The following ATP2B4 variants were observed in gnomAD, a reference collection of about 807,000 sequenced individuals.
The protein encoded by ATP2B4 is plasma membrane calcium-transporting ATPase 4.
Under a neutral mutation model 110.3 loss-of-function variants are expected in ATP2B4, and 39 were observed. That is an observed-to-expected ratio of 0.35 (90% CI 0.27 to 0.46). The LOEUF (loss-of-function observed/expected upper bound fraction) is 0.46. Ranked by LOEUF, ATP2B4 falls within the 20% of genes least tolerant of loss-of-function variation. The pLI, the probability that ATP2B4 is intolerant of heterozygous loss-of-function variation, is 1.00. For missense variants in ATP2B4, 1,135 were observed against 1,530.9 expected (o/e 0.74, Z 4.32); for synonymous variants, 538 against 571.7 (o/e 0.94, Z 0.84).
rs1265703317 is a variant in ATP2B4 at position 203,740,662 on chromosome 1, G to A, written c.*808G>A. ...CCTTCTGCTTTTAAATTGCCATCTTGTAAAGTGTATGTGGTTCTTAAGTGC... is the reference window on the plus strand; with the variant it reads ...CCTTCTGCTTTTAAATTGCCATCTTATAAAGTGTATGTGGTTCTTAAGTGC... On this transcript the variant is annotated 3_prime_UTR_variant, in exon 21 of 21. Coordinates refer to ENST00000357681, the MANE Select transcript of ATP2B4 (RefSeq NM_001684.5). 2.0e-5 allele frequency: 3 copies of A among 152,220 alleles called. No individual in the cohort carries two copies. Among genetic ancestry groups the A allele is most frequent in the Non-Finnish European group, 2.9e-5 (2 of 68,028 alleles). 9.4% of individuals were successfully genotyped at this position (152,220 alleles called of 1,614,324 possible). A position where few individuals can be genotyped will look rare whatever the true frequency, so the allele number is the denominator to read the frequency against.
intron 16 of ATP2B4, 81 bp from the exon 17 acceptor site, chr1:203,721,116 C>T (rs575756666): frequency 6.6e-5 from 94 of 1,432,620 alleles, no homozygotes; most frequent in East Asian, 4.6e-4. Flanking sequence ...CTAGGTGGGT[C>T]GTGGGAGCTG....
intron 1 of ATP2B4, among the ~76,000 whole-genome samples, chr1:203,644,130 G>C (rs931509917): frequency 2.6e-5 from 4 of 151,786 alleles, no homozygotes; most frequent in Non-Finnish European, 5.9e-5. Flanking sequence ...AGTGCCTATA[G>C]TCTCAGCTAC....
chr1:203,689,642 C>T (rs991952623), intron 2 of ATP2B4, among the ~76,000 whole-genome samples: 1 of 152,200 alleles, frequency 6.6e-6, no homozygotes, highest in African/African-American at 2.4e-5. Context: ...TGAGGGCCTC[C>T]AATTCTTTTT....
At chr1:203,693,705 C>T (rs1665450638) in intron 2 of ATP2B4, among the ~76,000 whole-genome samples, 1 of 152,274 alleles carries the variant, frequency 6.6e-6, no homozygotes, top group African/African-American at 2.4e-5. Context: ...ACTAATCCAC[C>T]CCAATTGTAG....
intron 1 of ATP2B4, among the ~76,000 whole-genome samples, chr1:203,659,542 C>T (rs1445545582): frequency 1.3e-5 from 2 of 151,746 alleles, no homozygotes; most frequent in African/African-American, 4.8e-5. Context: ...TGGTGGCACA[C>T]CCCTGTAGTC....
intron 1 of ATP2B4, among the ~76,000 whole-genome samples, chr1:203,675,735 C>G (rs948266123): frequency 7.9e-5 from 12 of 152,038 alleles, no homozygotes; most frequent in African/African-American, 2.9e-4. Flanking sequence ...CCGTGGATAC[C>G]ACCTCCTAAC....
intron 2 of ATP2B4, among the ~76,000 whole-genome samples, chr1:203,683,666 C>CTTTTTTTTTTTTTTTTTTTTTTTTTTTTT (rs11326748): frequency 1.2e-4 from 9 of 77,698 alleles, no homozygotes; most frequent in Admixed American, 3.9e-4. Context: ...TCTTTTGTTT[C>CTTTTTTTTTTTTTTTTTTTTTTTTTTTTT]TTTTTTTTTT....
At chr1:203,652,398 G>C (rs1409202913) in intron 1 of ATP2B4, among the ~76,000 whole-genome samples, 1 of 151,952 alleles carries the variant, frequency 6.6e-6, no homozygotes, top group African/African-American at 2.4e-5. Context: ...CTCCCACCTC[G>C]GCCTCCCAAA....
intron 20 of ATP2B4, among the ~76,000 whole-genome samples, chr1:203,736,262 C>T (rs1356147644): frequency 1.3e-5 from 2 of 152,008 alleles, no homozygotes; most frequent in Non-Finnish European, 2.9e-5. Context: ...GTCAGGAGTT[C>T]GAGACCAGCC....
rs1665744129 is a variant in ATP2B4 at position 203,703,164 on chromosome 1, CG to C, written c.938-487del. 1.9e-3 allele frequency among the ~76,000 whole-genome samples: 280 copies of C among 145,250 alleles called. 6 individuals carry two copies. In the East Asian group the frequency reaches 0.032, roughly 17 times the overall value. On this transcript the variant is annotated intron_variant, in intron 7 of 20. Transcript: ENST00000357681. ...GGGTATGTGTTTCTTCCCTGACAAT[CG>C]AGAGAGAGAGAGAGAGAGAGAGAGA...
At chr1:203,651,402 C>T (rs1663989555) in intron 1 of ATP2B4, among the ~76,000 whole-genome samples, 1 of 152,072 alleles carries the variant, frequency 6.6e-6, no homozygotes, top group African/African-American at 2.4e-5. Flanking sequence ...ACCTAATGAA[C>T]ACACTTGAAC....
intron 14 of ATP2B4, 45 bp from the exon 15 acceptor site, chr1:203,714,126 G>C: frequency 6.4e-7 from 1 of 1,559,690 alleles, no homozygotes; most frequent in Non-Finnish European, 8.8e-7. Context: ...ACTGAAGGGT[G>C]GGGGAGACCA....
At chr1:203,681,996 C>T (rs551838044) in intron 1 of ATP2B4, among the ~76,000 whole-genome samples, 36 of 140,700 alleles carry the variant, frequency 2.6e-4, no homozygotes, top group African/African-American at 9.3e-4. Context: ...TCCTCTTCTC[C>T]CCAAAAGCCT....
In ATP2B4 at chr1:203,722,623, C is replaced by T. The variant is rs61731220; in HGVS notation, c.2958C>T (p.Asn986=). Residue 986 remains asparagine (N), a synonymous_variant, in exon 18 of 21, where the codon AAC becomes AAT. Coordinates refer to ENST00000357681, the MANE Select transcript of ATP2B4 (RefSeq NM_001684.5). The part of the protein sequence containing the change: ...INSRKIHGEK[N]VFSGIYRNII... ...CCCGAAAGATCCATGGAGAGAAGAA[C>T]GTCTTTTCAGGCATCTACCGCAACA... 207 of 1,614,066 alleles carry T rather than the reference C, an allele frequency of 1.3e-4. No individual in the cohort carries two copies. Among genetic ancestry groups the T allele is most frequent in the Non-Finnish European group, 1.6e-4 (194 of 1,180,030 alleles).
chr1:203,741,357 C>G lies in ATP2B4; in HGVS notation c.*1503C>G, dbSNP rs1291136689. 4.6e-5 allele frequency: 7 copies of G among 152,638 alleles called. No individual in the cohort carries two copies. The highest frequency in any genetic ancestry group is 1.7e-4 in the African/African-American group (7 of 41,442). 9.5% of individuals were successfully genotyped at this position (152,638 alleles called of 1,614,324 possible). A position where few individuals can be genotyped will look rare whatever the true frequency, so the allele number is the denominator to read the frequency against. On this transcript the variant is annotated 3_prime_UTR_variant, in exon 21 of 21. Transcript: ENST00000357681. ...ACTGCCCAAAGCATCCCCTTCCCATCTGCCTCTCAGGAGTTGGGGACTTTG... is the reference window on the plus strand; with the variant it reads ...ACTGCCCAAAGCATCCCCTTCCCATGTGCCTCTCAGGAGTTGGGGACTTTG...
intron 19 of ATP2B4, among the ~76,000 whole-genome samples, chr1:203,725,394 C>A (rs1457210893): frequency 6.6e-6 from 1 of 152,148 alleles, no homozygotes; most frequent in Non-Finnish European, 1.5e-5. Flanking sequence ...GGTGATCCAC[C>A]CGCCATGGCC....
At chr1:203,717,936 G>A (rs1433274475) in intron 15 of ATP2B4, among the ~76,000 whole-genome samples, 3 of 151,940 alleles carry the variant, frequency 2.0e-5, no homozygotes, top group Non-Finnish European at 4.4e-5. Context: ...GAGCCACCGC[G>A]CCCGGCCTGA....
chr1:203,674,014 G>A (rs891618299), intron 1 of ATP2B4, among the ~76,000 whole-genome samples: 4 of 152,180 alleles, frequency 2.6e-5, no homozygotes, highest in Non-Finnish European at 5.9e-5. Context: ...GAAAGCCACA[G>A]CAGCCCCAAG....
intron 1 of ATP2B4, among the ~76,000 whole-genome samples, chr1:203,631,854 G>A (rs1663279319): frequency 6.6e-6 from 1 of 152,128 alleles, no homozygotes; most frequent in African/African-American, 2.4e-5. Context: ...GAGTGCAGCG[G>A]CGCGATCTCA....
Sources: allele counts gnomAD v4.1 joint callset (sites outside exome capture counted in the v4.1 genomes callset), GRCh38; gene constraint gnomAD v4.1.1; transcripts MANE v1.5; gene names NCBI Gene and HGNC (gene_info 2026-07-23, HGNC 2026-07-21).